Variants in NCAM1 observed in about 807,000 individuals in gnomAD.
NCAM1 encodes the protein neural cell adhesion molecule 1.
A neutral mutation model predicts 109.8 loss-of-function variants in NCAM1; 14 were observed. The ratio of observed to expected loss-of-function variants is 0.13; its 90% confidence interval spans 0.08 to 0.20. The LOEUF (loss-of-function observed/expected upper bound fraction) is 0.20, where lower values mean the gene tolerates loss of function less well. Among genes scored for constraint, NCAM1 ranks in the 10% least tolerant of loss-of-function variants. The probability of loss-of-function intolerance (pLI) is 1.00; values close to 1 mark genes in which losing one functional copy is unlikely to be tolerated. For synonymous variants in NCAM1, 418 were observed against 442.9 expected, an observed-to-expected ratio of 0.94 and a Z score of 0.70; for missense variants, 774 against 1,109.9, an observed-to-expected ratio of 0.70 and a Z score of 4.30.
At chr11:113,194,554 T>C (rs977145320) in intron 1 of NCAM1, among the ~76,000 whole-genome samples, 48 of 152,180 alleles carry the variant, frequency 3.2e-4, no homozygotes, top group African/African-American at 1.1e-3. Flanking sequence ...GTGCATTTGG[T>C]TTAGAGATGT....
chr11:113,030,538 T>C (rs575092591), intron 1 of NCAM1, among the ~76,000 whole-genome samples: 1 of 152,314 alleles, frequency 6.6e-6, no homozygotes, highest in East Asian at 1.9e-4. Flanking sequence ...ATATGATGCA[T>C]TTTATTCTCC....
Position 112,961,534 on chromosome 11 carries a change from C to A in NCAM1, c.-79C>A. On this transcript the variant is annotated 5_prime_UTR_variant, in exon 1 of 20. Transcript: ENST00000316851. ...GTCTGCCCCTAGGTCTGTCGCTCAG[C>A]CGCCGTCCACACTCGCTGCAGGGGG... 1.1e-6 allele frequency: 1 copy of A among 931,916 alleles called. No homozygotes were observed. The highest frequency in any genetic ancestry group is 1.8e-6 in the Non-Finnish European group (1 of 557,870). 57.7% of individuals were successfully genotyped at this position (931,916 alleles called of 1,614,324 possible).
At chr11:113,097,856 A>G (rs908266314) in intron 1 of NCAM1, among the ~76,000 whole-genome samples, 1 of 152,184 alleles carries the variant, frequency 6.6e-6, no homozygotes, top group African/African-American at 2.4e-5. Context: ...TGTTAAGTGT[A>G]TGAGAAAGAA....
chr11:113,194,898 G>A (rs1054219263), intron 1 of NCAM1, among the ~76,000 whole-genome samples: 8 of 152,198 alleles, frequency 5.3e-5, no homozygotes, highest in Non-Finnish European at 8.8e-5. Context: ...ACTTCTAGAT[G>A]TTTAGGTTTA....
At chr11:113,195,288 ATAATGTAT>A (rs1943817876) in intron 1 of NCAM1, among the ~76,000 whole-genome samples, 1 of 152,176 alleles carries the variant, frequency 6.6e-6, no homozygotes. Flanking sequence ...GTCATCCCTA[ATAATGTAT>A]TGGTTCTTCT....
intron 1 of NCAM1, among the ~76,000 whole-genome samples, chr11:113,004,568 C>T (rs1951845886): frequency 6.6e-6 from 1 of 151,828 alleles, no homozygotes; most frequent in Non-Finnish European, 1.5e-5. Flanking sequence ...GTTGTCATTT[C>T]CTTGTTCTCA....
intron 1 of NCAM1, among the ~76,000 whole-genome samples, chr11:113,011,519 A>G (rs1952055249): frequency 6.6e-6 from 1 of 152,030 alleles, no homozygotes; most frequent in Non-Finnish European, 1.5e-5. Flanking sequence ...CTAGTTCTAG[A>G]TCCCTGAGGA....
chr11:113,007,108 T>G (rs1211851875), intron 1 of NCAM1, among the ~76,000 whole-genome samples: 4 of 152,196 alleles, frequency 2.6e-5, no homozygotes, highest in Non-Finnish European at 5.9e-5. Context: ...CGGGGCAACT[T>G]TCCAAATAAT....
At chr11:113,108,647 C>T (rs782744066) in intron 1 of NCAM1, among the ~76,000 whole-genome samples, 8 of 152,062 alleles carry the variant, frequency 5.3e-5, no homozygotes, top group Non-Finnish European at 8.8e-5. Flanking sequence ...TCATAAATCC[C>T]AATCTAAGCA....
At chr11:113,159,500 G>A (rs1233031437) in intron 1 of NCAM1, among the ~76,000 whole-genome samples, 1 of 152,050 alleles carries the variant, frequency 6.6e-6, no homozygotes, top group Non-Finnish European at 1.5e-5. Flanking sequence ...TGCATAGCTG[G>A]GTGAAACTTA....
At chr11:113,197,469 A>G (rs1375789251) in intron 1 of NCAM1, among the ~76,000 whole-genome samples, 1 of 152,218 alleles carries the variant, frequency 6.6e-6, no homozygotes, top group Non-Finnish European at 1.5e-5. Context: ...GCCTTTTTCA[A>G]AAGTCCATGG....
chr11:113,068,029 G>GTAGGA (rs1938056832), intron 1 of NCAM1, among the ~76,000 whole-genome samples: 1 of 150,182 alleles, frequency 6.7e-6, no homozygotes, highest in South Asian at 2.1e-4. Flanking sequence ...TCCTGCCTCA[G>GTAGGA]CCTCCCGAGT....
At chr11:113,127,904 T>C (rs1362614994) in intron 1 of NCAM1, among the ~76,000 whole-genome samples, 2 of 152,172 alleles carry the variant, frequency 1.3e-5, no homozygotes, top group Admixed American at 6.5e-5. Flanking sequence ...CTGTGCTGGG[T>C]ACCTGTCCCA....
At chr11:113,129,146 C>G (rs1941297500) in intron 1 of NCAM1, among the ~76,000 whole-genome samples, 1 of 152,154 alleles carries the variant, frequency 6.6e-6, no homozygotes, top group Non-Finnish European at 1.5e-5. Flanking sequence ...TAACAGCTTT[C>G]TCCTTTCACT....
At chr11:113,131,262 T>C (rs1941370687) in intron 1 of NCAM1, among the ~76,000 whole-genome samples, 1 of 152,198 alleles carries the variant, frequency 6.6e-6, no homozygotes, top group Admixed American at 6.5e-5. Flanking sequence ...TGATTAGCAG[T>C]GAGCCCTGTC....
Position 113,121,463 on chromosome 11 carries a change from C to T in NCAM1, c.53-80916C>T, listed in dbSNP as rs562578385. Among the ~76,000 whole-genome samples, 17 of 147,646 alleles carry T rather than the reference C, an allele frequency of 1.2e-4. 1 individual carries two copies. Among genetic ancestry groups the T allele is most frequent in the African/African-American group, 4.0e-4 (16 of 39,564 alleles). Reference sequence around the variant, plus strand: ...CTCGAACTCCTGACCTCAGGTGATCCCCCTGCCTCGTCCTCCCAAAGTGTT... The same window carrying T: ...CTCGAACTCCTGACCTCAGGTGATCTCCCTGCCTCGTCCTCCCAAAGTGTT... On this transcript the variant is annotated intron_variant, in intron 1 of 19. Transcript: ENST00000316851.
chr11:113,200,544 G>A (rs1176274276), intron 1 of NCAM1, among the ~76,000 whole-genome samples: 4 of 152,134 alleles, frequency 2.6e-5, no homozygotes, highest in Admixed American at 1.3e-4. Flanking sequence ...TCACCTACCC[G>A]GAGCCAGGAG....
rs1946385766 is a variant in NCAM1, at chr11:113,275,515, AT to A, written c.*131del. The A allele has an allele frequency of 9.0e-7, 1 of 1,109,572 alleles. No homozygotes were observed. 68.7% of individuals were successfully genotyped at this position (1,109,572 alleles called of 1,614,324 possible). A position where few individuals can be genotyped will look rare whatever the true frequency, so the allele number is the denominator to read the frequency against. ...ACACACATGCACACACACACATCTCATTTCTCTAGTGTCTTTTGCCTTTAAA... is the reference window on the plus strand; with the variant it reads ...ACACACATGCACACACACACATCTCATTCTCTAGTGTCTTTTGCCTTTAAA... On this transcript the variant is annotated 3_prime_UTR_variant, in exon 20 of 20. Transcript: ENST00000316851.
chr11:113,239,011 T>C (rs1223491662), intron 14 of NCAM1, among the ~76,000 whole-genome samples: 2 of 152,212 alleles, frequency 1.3e-5, no homozygotes. Context: ...TCTTGGTTCT[T>C]TAATAGACCT....
Sources: allele counts gnomAD v4.1 joint callset (sites outside exome capture counted in the v4.1 genomes callset), GRCh38; gene constraint gnomAD v4.1.1; transcripts MANE v1.5; gene names NCBI Gene and HGNC (gene_info 2026-07-23, HGNC 2026-07-21).